USP18: variants seen among roughly 807,000 people sequenced by gnomAD.
USP18 encodes the protein ubiquitin specific peptidase 18, also known as ubl carboxyl-terminal hydrolase 18.
A neutral mutation model predicts 48.7 loss-of-function variants in USP18; 11 were observed. The ratio of observed to expected loss-of-function variants is 0.23; its 90% CI spans 0.14 to 0.37. USP18 has a LOEUF of 0.37. USP18 is among the 10% of genes least tolerant of loss of function. USP18 has a pLI of 1.00. For missense variants in USP18, 285 were observed against 436.4 expected (o/e 0.65, Z 3.09); for synonymous variants, 114 against 163.2 (o/e 0.70, Z 2.30).
chr22:18,168,138 C>T, intron 6 of USP18, 102 bp downstream of exon 6: 5 of 1,524,334 alleles, frequency 3.3e-6, no homozygotes, highest in Non-Finnish European at 4.4e-6. Context: ...TCTTACAGTT[C>T]TGGAGGCTGG....
chr22:18,168,032 C>T lies in USP18; in HGVS notation c.623C>T (p.Thr208Ile), dbSNP rs1468975206. Residue 208 changes from threonine to isoleucine, a missense_variant, in exon 6 of 11, where the codon ACA becomes ATA. Thr to Ile is a moderately conservative substitution (Grantham distance 89). Coordinates refer to ENST00000215794, the MANE Select transcript of USP18 (RefSeq NM_017414.4). ...LFDVDSKPLK[T>I]LEDALHCFFQ... ...GATGTGGACTCAAAGCCCCTGAAGA[C>T]ACTGGTAAGGGGATTCTCTTGGTAT... The T allele has an allele frequency of 6.2e-7, 1 of 1,614,060 alleles. No individual in the cohort carries two copies. The highest frequency in any genetic ancestry group is 1.3e-5 in the African/African-American group (1 of 74,918).
At chr22:18,152,342 G>A (rs900824244) in intron 1 of USP18, among the ~76,000 whole-genome samples, 2 of 152,102 alleles carry the variant, frequency 1.3e-5, no homozygotes, top group Admixed American at 6.5e-5. Flanking sequence ...CTTCTCTGAG[G>A]ACCCCGATTG....
rs549820030 is a variant in USP18, at chr22:18,154,409, A to C, written c.-106-3149A>C. Among the ~76,000 whole-genome samples, 8 of 152,288 alleles carry C rather than the reference A, an allele frequency of 5.3e-5. No homozygotes were observed. The South Asian group carries it at 1.7e-3, about 32-fold the overall frequency. ...AAAAGGCTTTCACCTTTTATAAGAAATAGTGCTTCGATGTTACCCATTATT... is the reference window on the plus strand; with the variant it reads ...AAAAGGCTTTCACCTTTTATAAGAACTAGTGCTTCGATGTTACCCATTATT... On this transcript the variant is annotated intron_variant, in intron 1 of 10. Transcript: ENST00000215794.
intron 2 of USP18, among the ~76,000 whole-genome samples, chr22:18,159,912 C>CAG (rs1174561760): frequency 4.6e-5 from 7 of 151,782 alleles, no homozygotes; most frequent in Non-Finnish European, 4.4e-5. Context: ...CTCCTGACCT[C>CAG]GTGATCTGCC....
At chr22:18,151,655 T>A (rs1181963994) in intron 1 of USP18, among the ~76,000 whole-genome samples, 2 of 151,984 alleles carry the variant, frequency 1.3e-5, no homozygotes. Flanking sequence ...TTCCACGAGC[T>A]GTTTTTTTTT....
intron 2 of USP18, among the ~76,000 whole-genome samples, chr22:18,158,633 T>C (rs928158481): frequency 6.6e-6 from 1 of 152,098 alleles, no homozygotes; most frequent in East Asian, 1.9e-4. Context: ...AAAGAGGAGG[T>C]TGGTTGCTAG....
intron 2 of USP18, 121 bp downstream of exon 2, chr22:18,157,941 C>A: frequency 7.2e-7 from 1 of 1,385,590 alleles, no homozygotes; most frequent in Non-Finnish European, 9.8e-7. Flanking sequence ...GCCTGAGTTT[C>A]TGCATCTTTT....
At chr22:18,174,199 G>A (rs1464676878) in intron 10 of USP18, among the ~76,000 whole-genome samples, 6 of 151,830 alleles carry the variant, frequency 4.0e-5, no homozygotes, top group African/African-American at 9.7e-5. Flanking sequence ...AGATTCGTAG[G>A]GGCTTCTTGT....
At chr22:18,170,384 GC>G (rs1343727682) in intron 7 of USP18, among the ~76,000 whole-genome samples, 1 of 152,188 alleles carries the variant, frequency 6.6e-6, no homozygotes, top group Non-Finnish European at 1.5e-5. Flanking sequence ...GATATCTGGA[GC>G]CGTGGATGTG....
At chr22:18,170,457 C>T (rs1929598122) in intron 7 of USP18, among the ~76,000 whole-genome samples, 1 of 152,238 alleles carries the variant, frequency 6.6e-6, no homozygotes. Flanking sequence ...GCCGGCAGGG[C>T]GTTTCCCTCC....
chr22:18,173,469 G>A (rs956685054), intron 9 of USP18, among the ~76,000 whole-genome samples, 188 bp downstream of exon 9: 1 of 152,060 alleles, frequency 6.6e-6, no homozygotes, highest in Non-Finnish European at 1.5e-5. Context: ...CCTCTGTAAG[G>A]GTTCAATTCA....
At chr22:18,153,250 G>A (rs1279138625) in intron 1 of USP18, among the ~76,000 whole-genome samples, 1 of 152,122 alleles carries the variant, frequency 6.6e-6, no homozygotes, top group African/African-American at 2.4e-5. Flanking sequence ...CCAACATGGT[G>A]AAACCCCGTC....
chr22:18,162,673 C>G (rs570936110), intron 4 of USP18, among the ~76,000 whole-genome samples: 1 of 150,952 alleles, frequency 6.6e-6, no homozygotes, highest in South Asian at 2.1e-4. Flanking sequence ...TGCTTACCAA[C>G]AGGGATACGT....
In USP18 at chr22:18,154,986, T is replaced by C. The variant is rs778435668; in HGVS notation, c.-106-2572T>C. Among the ~76,000 whole-genome samples the C allele has an allele frequency of 1.4e-4, 21 of 152,308 alleles. 1 individual carries two copies. Among genetic ancestry groups the C allele is most frequent in the Middle Eastern group, 3.4e-3 (1 of 294 alleles). ...CCCATGACTGCTTCAGCTGTTGTAG[T>C]GCTGGGGGGTGCTCTAAGCCCAGCA... On this transcript the variant is annotated intron_variant, in intron 1 of 10. Transcript: ENST00000215794.
At chr22:18,160,076 A>G in intron 2 of USP18, 96 bp from the exon 3 acceptor site, 1 of 1,211,058 alleles carries the variant, frequency 8.3e-7, no homozygotes, top group Non-Finnish European at 1.2e-6. Flanking sequence ...GGCCTCCCAA[A>G]GTACTGGAAT....
intron 1 of USP18, among the ~76,000 whole-genome samples, chr22:18,156,013 G>A (rs939099167): frequency 1.3e-5 from 2 of 152,204 alleles, no homozygotes; most frequent in African/African-American, 4.8e-5. Context: ...TATACCAATC[G>A]GCACTCTGTA....
intron 8 of USP18, 93 bp from the exon 9 acceptor site, chr22:18,173,057 C>T: frequency 6.3e-7 from 1 of 1,588,564 alleles, no homozygotes; most frequent in Non-Finnish European, 8.6e-7. Context: ...ATTCTAAAGT[C>T]CCAGAGTCGG....
At chr22:18,172,035 C>G (rs760355991) in intron 8 of USP18, among the ~76,000 whole-genome samples, 9 of 151,882 alleles carry the variant, frequency 5.9e-5, no homozygotes, top group Non-Finnish European at 1.2e-4. Context: ...CTTTGGGAGG[C>G]CAAGAGGATT....
rs191995420 is a variant in USP18 at position 18,161,928 on chromosome 22, C to T, written c.393C>T (p.Asn131=). The change falls in exon 4 of 11, where the codon AAC becomes AAT. Residue 131 remains asparagine, a synonymous_variant. Coordinates refer to ENST00000215794, the MANE Select transcript of USP18 (RefSeq NM_017414.4). ...TGGCCTACTGCCTGCAGAAGTGCAACGTGCCCTGTAAGATACCCTCCCACT... is the reference window on the plus strand; with the variant it reads ...TGGCCTACTGCCTGCAGAAGTGCAATGTGCCCTGTAAGATACCCTCCCACT... ...LELAYCLQKC[N]VPLFVQHDAA... is the part of the protein sequence containing the mutation. 1.6e-5 allele frequency: 25 copies of T among 1,612,292 alleles called. No homozygotes were observed. Among genetic ancestry groups the T allele is most frequent in the East Asian group, 4.5e-5 (2 of 44,812 alleles).
Sources: allele counts gnomAD v4.1 joint callset (sites outside exome capture counted in the v4.1 genomes callset), GRCh38; gene constraint gnomAD v4.1.1; transcripts MANE v1.5; gene names NCBI Gene and HGNC (gene_info 2026-07-23, HGNC 2026-07-21).